LURAP1L: variants seen among roughly 807,000 people sequenced by gnomAD.
The protein encoded by LURAP1L is leucine rich adaptor protein 1 like.
In LURAP1L, 12 loss-of-function variants were observed where a neutral mutation model predicts 13.8. The ratio of observed to expected loss-of-function variants is 0.87; its 90% confidence interval spans 0.56 to 1.41. The LOEUF is 1.41. Among genes scored for constraint, LURAP1L ranks in the 40% most tolerant of loss-of-function variants. LURAP1L has a pLI of 0.00. For synonymous variants in LURAP1L, 139 were observed against 119.2 expected, an observed-to-expected ratio of 1.17 and a Z score of -1.08; for missense variants, 375 against 292.9, an observed-to-expected ratio of 1.28 and a Z score of -2.04.
At chr9:12,819,832 T>C (rs1378999438) in intron 1 of LURAP1L, among the ~76,000 whole-genome samples, 1 of 152,140 alleles carries the variant, frequency 6.6e-6, no homozygotes, top group East Asian at 1.9e-4. Context: ...TGCGTGCCTG[T>C]AATCCCAGCT....
At chr9:12,817,842 C>T (rs1005338312) in intron 1 of LURAP1L, among the ~76,000 whole-genome samples, 2 of 152,158 alleles carry the variant, frequency 1.3e-5, no homozygotes, top group African/African-American at 4.8e-5. Context: ...CAAGGGTCAT[C>T]GGTAGCATAA....
intron 1 of LURAP1L, among the ~76,000 whole-genome samples, chr9:12,810,458 T>C (rs1389407383): frequency 2.6e-5 from 4 of 152,208 alleles, no homozygotes; most frequent in Non-Finnish European, 4.4e-5. Flanking sequence ...GATTTCCAGT[T>C]TGTTCAGCTT....
chr9:12,782,678 G>T (rs898792072), intron 1 of LURAP1L, among the ~76,000 whole-genome samples: 6 of 151,968 alleles, frequency 3.9e-5, no homozygotes, highest in Non-Finnish European at 7.4e-5. Flanking sequence ...TGTTCTTTTT[G>T]CTCTGGATGA....
At chr9:12,800,881 C>G (rs768247797) in intron 1 of LURAP1L, among the ~76,000 whole-genome samples, 1 of 152,122 alleles carries the variant, frequency 6.6e-6, no homozygotes, top group Non-Finnish European at 1.5e-5. Flanking sequence ...GACTAATACA[C>G]TTAGTAACCG....
chr9:12,788,757 T>G (rs917900918), intron 1 of LURAP1L, among the ~76,000 whole-genome samples: 2 of 151,168 alleles, frequency 1.3e-5, no homozygotes, highest in Non-Finnish European at 3.0e-5. Flanking sequence ...GGTAGGGTTA[T>G]AGGTTACTTT....
rs71329888 is a variant in LURAP1L, at chr9:12,807,020, CAAAAAAAA to C, written c.313-14348_313-14341del. On this transcript the variant is annotated intron_variant, in intron 1 of 1. Transcript: ENST00000319264. ...TGGGCGACAGAGCCAGACTCCGTCT[CAAAAAAAA>C]AAAAAAAAAAAAAAAAATGAGACTA... 7.3e-4 allele frequency among the ~76,000 whole-genome samples: 16 copies of C among 21,868 alleles called. No individual in the cohort carries two copies. The East Asian group carries it at 0.019, about 26-fold the overall frequency. The allele number at this position is 21,868 out of a possible 152,430, so 14.3% of individuals were successfully genotyped here.
chr9:12,808,860 G>C (rs769882379), intron 1 of LURAP1L, among the ~76,000 whole-genome samples: 2 of 151,930 alleles, frequency 1.3e-5, no homozygotes, highest in Non-Finnish European at 2.9e-5. Flanking sequence ...GTGTTATTCT[G>C]TGTCAGTCCA....
chr9:12,784,795 G>A (rs1025219111), intron 1 of LURAP1L, among the ~76,000 whole-genome samples: 11 of 152,036 alleles, frequency 7.2e-5, no homozygotes, highest in Admixed American at 2.6e-4. Flanking sequence ...GTTCCCTTCT[G>A]GCCCAGGGTG....
At chr9:12,795,386 T>A (rs1225732560) in intron 1 of LURAP1L, among the ~76,000 whole-genome samples, 1 of 152,054 alleles carries the variant, frequency 6.6e-6, no homozygotes, top group African/African-American at 2.4e-5. Flanking sequence ...GAGGAATACA[T>A]TAATAATGTA....
At chr9:12,812,822 A>T (rs1819756408) in intron 1 of LURAP1L, among the ~76,000 whole-genome samples, 1 of 152,190 alleles carries the variant, frequency 6.6e-6, no homozygotes, top group South Asian at 2.1e-4. Context: ...GCCATCAAAA[A>T]TTATTATAAT....
intron 1 of LURAP1L, among the ~76,000 whole-genome samples, chr9:12,809,861 T>A (rs1000115524): frequency 6.6e-6 from 1 of 152,208 alleles, no homozygotes; most frequent in African/African-American, 2.4e-5. Flanking sequence ...GTCTTTGGGT[T>A]TCCTTTGGCA....
intron 1 of LURAP1L, among the ~76,000 whole-genome samples, chr9:12,798,779 C>G (rs1193467973): frequency 6.6e-6 from 1 of 152,146 alleles, no homozygotes; most frequent in Non-Finnish European, 1.5e-5. Context: ...TGAATTAGTG[C>G]ATGACTTTTA....
chr9:12,785,070 C>T (rs1471471330), intron 1 of LURAP1L, among the ~76,000 whole-genome samples: 1 of 151,894 alleles, frequency 6.6e-6, no homozygotes, highest in Non-Finnish European at 1.5e-5. Context: ...TCTTTTTCAC[C>T]TTATGGTGAA....
Position 12,775,192 on chromosome 9 carries a change from T to C in LURAP1L, c.-524T>C, listed in dbSNP as rs141045772. On this transcript the variant is annotated 5_prime_UTR_variant, in exon 1 of 2. Coordinates refer to ENST00000319264, the MANE Select transcript of LURAP1L (RefSeq NM_203403.2). Reference sequence around the variant, plus strand: ...TGACAACCCAGGATATCCCGAAAGCTTGGAGGCATATGGCTGGAAAATGAA... The same window carrying C: ...TGACAACCCAGGATATCCCGAAAGCCTGGAGGCATATGGCTGGAAAATGAA... 6.0e-3 allele frequency: 917 copies of C among 152,568 alleles called. 7 individuals are homozygous for C. Among genetic ancestry groups the C allele is most frequent in the African/African-American group, 0.021 (870 of 41,572 alleles). 9.5% of individuals were successfully genotyped at this position (152,568 alleles called of 1,614,324 possible). A position where few individuals can be genotyped will look rare whatever the true frequency, so the allele number is the denominator to read the frequency against.
intron 1 of LURAP1L, chr9:12,777,142 A>G: frequency 1.5e-5 from 10 of 673,348 alleles, no homozygotes; most frequent in Non-Finnish European, 1.8e-5. Flanking sequence ...AATTATTTCT[A>G]TCATTCTATC....
At chr9:12,809,221 A>G (rs895680308) in intron 1 of LURAP1L, among the ~76,000 whole-genome samples, 4 of 152,174 alleles carry the variant, frequency 2.6e-5, no homozygotes, top group Non-Finnish European at 4.4e-5. Flanking sequence ...TGGGGATCAC[A>G]TTTCAACATG....
intron 1 of LURAP1L, among the ~76,000 whole-genome samples, chr9:12,809,133 TGAG>T (rs1444983371): frequency 1.3e-5 from 2 of 152,300 alleles, no homozygotes; most frequent in South Asian, 2.1e-4. Context: ...TTCATTATCA[TGAG>T]GAGGGCACTA....
chr9:12,776,063 T>A, intron 1 of LURAP1L, 36 bp downstream of exon 1: 1 of 1,594,732 alleles, frequency 6.3e-7, no homozygotes, highest in Non-Finnish European at 8.6e-7. Context: ...GGCTGGGACC[T>A]GGGCTGGGCC....
intron 1 of LURAP1L, among the ~76,000 whole-genome samples, chr9:12,786,486 T>C (rs1322364818): frequency 1.4e-5 from 2 of 141,432 alleles, no homozygotes; most frequent in Non-Finnish European, 3.0e-5. Context: ...ATTGTTTTTC[T>C]GAGAATAATA....
Sources: gnomAD v4.1 joint callset for allele counts (sites outside exome capture counted in the v4.1 genomes callset) on GRCh38, gnomAD v4.1.1 for gene constraint, MANE v1.5 for transcripts, NCBI Gene and HGNC (gene_info 2026-07-23, HGNC 2026-07-21) for gene names.